Variants in UBTD1 observed in about 807,000 individuals in gnomAD.
The protein encoded by UBTD1 is ubiquitin domain containing 1.
UBTD1 carries 19 observed loss-of-function variants against 21.7 expected under a neutral mutation model. The ratio of observed to expected loss-of-function variants is 0.87; its 90% confidence interval spans 0.61 to 1.28. UBTD1 has a LOEUF of 1.28. Ranked by LOEUF, UBTD1 falls within the 50% of genes most tolerant of loss-of-function variation. The pLI, the probability that UBTD1 is intolerant of heterozygous loss-of-function variation, is 0.00. For synonymous variants in UBTD1, 116 were observed against 135.1 expected, an observed-to-expected ratio of 0.86 and a Z score of 0.98; for missense variants, 282 against 315.1, an observed-to-expected ratio of 0.89 and a Z score of 0.80.
At chr10:97,545,423 T>G (rs879377961) in intron 1 of UBTD1, among the ~76,000 whole-genome samples, 244 of 21,964 alleles carry the variant, frequency 0.011, no homozygotes, top group Non-Finnish European at 0.02. Context: ...TGTGGGTGTG[T>G]GTGTGTGGGT....
At chr10:97,535,685 A>G (rs1287808691) in intron 1 of UBTD1, among the ~76,000 whole-genome samples, 1 of 152,128 alleles carries the variant, frequency 6.6e-6, no homozygotes, top group Non-Finnish European at 1.5e-5. Context: ...TTCTGGCACC[A>G]TGGGAGGATC....
intron 1 of UBTD1, among the ~76,000 whole-genome samples, chr10:97,532,135 CTG>C (rs547323618): frequency 2.0e-3 from 299 of 152,304 alleles, no homozygotes; most frequent in Admixed American, 5.5e-3. Context: ...GGGGGGCTGA[CTG>C]GGCCGGGAGA....
intron 1 of UBTD1, among the ~76,000 whole-genome samples, chr10:97,561,394 T>G (rs545885999): frequency 6.6e-6 from 1 of 152,064 alleles, no homozygotes; most frequent in Admixed American, 6.5e-5. Context: ...TTTATTCAGC[T>G]GGGAGCATCT....
At position 97,501,757 on chromosome 10, in the gene UBTD1, C is replaced by T. The variant is rs140532946; in HGVS notation, c.70+2484C>T. Among the ~76,000 whole-genome samples, 19 of 152,252 alleles carry T rather than the reference C, an allele frequency of 1.2e-4. No homozygotes were observed. In the Middle Eastern group the frequency reaches 0.01, roughly 82 times the overall value. ...GACATTAAGACCACCAGTGTTTGCTCGTGCCATTTCCTTCTTATCGAGAGT... is the reference window on the plus strand; with the variant it reads ...GACATTAAGACCACCAGTGTTTGCTTGTGCCATTTCCTTCTTATCGAGAGT... On this transcript the variant is annotated intron_variant, in intron 1 of 2. Coordinates refer to ENST00000370664, the MANE Select transcript of UBTD1 (RefSeq NM_024954.5).
intron 1 of UBTD1, among the ~76,000 whole-genome samples, chr10:97,543,631 T>A (rs999448363): frequency 6.6e-6 from 1 of 152,020 alleles, no homozygotes; most frequent in African/African-American, 2.4e-5. Flanking sequence ...ACACAGCAGG[T>A]CCTGATGGAA....
At chr10:97,531,167 A>G (rs569644204) in intron 1 of UBTD1, among the ~76,000 whole-genome samples, 18 of 150,266 alleles carry the variant, frequency 1.2e-4, no homozygotes, top group East Asian at 5.9e-4. Context: ...GATTACAGGC[A>G]TGAGCCACTG....
At chr10:97,508,671 C>T (rs898321427) in intron 1 of UBTD1, among the ~76,000 whole-genome samples, 16 of 152,146 alleles carry the variant, frequency 1.1e-4, no homozygotes, top group African/African-American at 3.9e-4. Flanking sequence ...TTTCCTTTCA[C>T]ATTGCTGTCC....
intron 1 of UBTD1, among the ~76,000 whole-genome samples, chr10:97,528,891 T>G (rs1431733362): frequency 3.4e-4 from 30 of 88,886 alleles, no homozygotes; most frequent in Admixed American, 5.8e-4. Context: ...GCTGGCCGGG[T>G]GGGGGGCTGA....
At chr10:97,528,336 C>T (rs868061426) in intron 1 of UBTD1, among the ~76,000 whole-genome samples, 2,401 of 93,652 alleles carry the variant, frequency 0.026, 70 homozygotes, top group African/African-American at 0.079. Flanking sequence ...CGGGGCGGCT[C>T]GCCTGGCGGG....
chr10:97,517,831 C>T (rs1017677423), intron 1 of UBTD1, among the ~76,000 whole-genome samples: 5 of 152,074 alleles, frequency 3.3e-5, no homozygotes, highest in African/African-American at 4.8e-5. Context: ...GGCCTAGGAT[C>T]CCTTCACCCA....
intron 1 of UBTD1, among the ~76,000 whole-genome samples, chr10:97,515,578 T>C (rs796592344): frequency 1.2e-4 from 18 of 152,328 alleles, no homozygotes; most frequent in African/African-American, 4.3e-4. Flanking sequence ...TGCCTGGCCT[T>C]AAGCAGGGAT....
chr10:97,504,926 G>A (rs1386601657), intron 1 of UBTD1, among the ~76,000 whole-genome samples: 2 of 152,144 alleles, frequency 1.3e-5, no homozygotes, highest in Non-Finnish European at 2.9e-5. Context: ...GGTGCCTCTT[G>A]CTGGGAGATA....
intron 1 of UBTD1, among the ~76,000 whole-genome samples, chr10:97,516,000 G>A (rs2040442619): frequency 6.6e-6 from 1 of 152,216 alleles, no homozygotes; most frequent in Non-Finnish European, 1.5e-5. Flanking sequence ...GGGTTTATGT[G>A]GAACATTTAA....
chr10:97,548,901 G>C (rs529272648), intron 1 of UBTD1, among the ~76,000 whole-genome samples: 4 of 152,346 alleles, frequency 2.6e-5, no homozygotes, highest in Admixed American at 2.6e-4. Flanking sequence ...TCAGTGCCCA[G>C]CTCTGGGAGA....
intron 1 of UBTD1, among the ~76,000 whole-genome samples, chr10:97,528,893 G>T (rs1169742028): frequency 2.5e-4 from 37 of 149,176 alleles, no homozygotes; most frequent in African/African-American, 9.1e-4. Flanking sequence ...TGGCCGGGTG[G>T]GGGGCTGACC....
In UBTD1 at chr10:97,566,190, A is replaced by C. The variant is rs139395280; in HGVS notation, c.71-1724A>C. 2.6e-5 allele frequency among the ~76,000 whole-genome samples: 4 copies of C among 151,866 alleles called. No individual in the cohort carries two copies. The East Asian group carries it at 5.8e-4, about 22-fold the overall frequency. On this transcript the variant is annotated intron_variant, in intron 1 of 2. Coordinates refer to ENST00000370664, the MANE Select transcript of UBTD1 (RefSeq NM_024954.5). ...AACTCAGTATTTCATAATCTATCCA[A>C]AGTCTTTGCAAATCTGATTCTTTTG... is the stretch of plus-strand genomic sequence containing the variant.
At chr10:97,517,594 T>G (rs983617432) in intron 1 of UBTD1, among the ~76,000 whole-genome samples, 1 of 152,166 alleles carries the variant, frequency 6.6e-6, no homozygotes, top group African/African-American at 2.4e-5. Flanking sequence ...GCCTTGTGAC[T>G]GCAGTCACTC....
chr10:97,550,970 A>T (rs1045398449), intron 1 of UBTD1, among the ~76,000 whole-genome samples: 1 of 152,118 alleles, frequency 6.6e-6, no homozygotes, highest in Non-Finnish European at 1.5e-5. Flanking sequence ...TCTCAGCAGC[A>T]CCTCTGGAGA....
At chr10:97,512,482 A>G (rs1404931235) in intron 1 of UBTD1, among the ~76,000 whole-genome samples, 1 of 152,186 alleles carries the variant, frequency 6.6e-6, no homozygotes, top group Non-Finnish European at 1.5e-5. Flanking sequence ...TTTGGCCATA[A>G]CTTATTGCTT....
Sources: gnomAD v4.1 joint callset for allele counts (sites outside exome capture counted in the v4.1 genomes callset) on GRCh38, gnomAD v4.1.1 for gene constraint, MANE v1.5 for transcripts, NCBI Gene and HGNC (gene_info 2026-07-23, HGNC 2026-07-21) for gene names.